ZNF804B: variants seen among roughly 807,000 people sequenced by gnomAD.
ZNF804B encodes zinc finger protein 804B.
ZNF804B carries 80 observed loss-of-function variants against 101.4 expected under a neutral mutation model. The ratio of observed to expected loss-of-function variants is 0.79; its 90% CI spans 0.66 to 0.95. The LOEUF (loss-of-function observed/expected upper bound fraction) is 0.95. Among genes scored for constraint, ZNF804B ranks in the 40% least tolerant of loss-of-function variants. The pLI is 0.00. For synonymous variants in ZNF804B, 622 were observed against 558.8 expected (o/e 1.11, Z -1.59); for missense variants, 1,673 against 1,561.9 (o/e 1.07, Z -1.20).
At chr7:89,019,878 T>C (rs905209072) in intron 1 of ZNF804B, among the ~76,000 whole-genome samples, 4 of 152,096 alleles carry the variant, frequency 2.6e-5, no homozygotes, top group African/African-American at 9.6e-5. Context: ...GTAGACAGTA[T>C]ATAATTGGGT....
At chr7:89,312,175 T>C (rs1247134226) in intron 2 of ZNF804B, among the ~76,000 whole-genome samples, 1 of 152,184 alleles carries the variant, frequency 6.6e-6, no homozygotes, top group Non-Finnish European at 1.5e-5. Flanking sequence ...AAGAATTTTT[T>C]CTTTCACGCA....
At chr7:88,972,180 AT>A (rs1216054352) in intron 1 of ZNF804B, among the ~76,000 whole-genome samples, 1 of 151,408 alleles carries the variant, frequency 6.6e-6, no homozygotes, top group Non-Finnish European at 1.5e-5. Flanking sequence ...TGAATTGTGT[AT>A]TTTTTCTCCA....
At chr7:88,902,110 C>A (rs74909286) in intron 1 of ZNF804B, among the ~76,000 whole-genome samples, 1 of 151,888 alleles carries the variant, frequency 6.6e-6, no homozygotes, top group African/African-American at 2.4e-5. Context: ...AAACCCGATA[C>A]ACTTTCTCTT....
chr7:88,772,729 A>C (rs1427821772), intron 1 of ZNF804B, among the ~76,000 whole-genome samples: 2 of 152,192 alleles, frequency 1.3e-5, no homozygotes, highest in Non-Finnish European at 2.9e-5. Context: ...AAAGAACTGC[A>C]AACTCAAAAT....
intron 1 of ZNF804B, among the ~76,000 whole-genome samples, chr7:88,925,179 G>A (rs1318385889): frequency 1.3e-5 from 2 of 152,034 alleles, no homozygotes; most frequent in African/African-American, 2.4e-5. Flanking sequence ...TTAGAGCTGA[G>A]CATAATTACC....
intron 1 of ZNF804B, among the ~76,000 whole-genome samples, chr7:88,764,702 A>G (rs1254067929): frequency 6.6e-6 from 1 of 152,136 alleles, no homozygotes; most frequent in African/African-American, 2.4e-5. Flanking sequence ...TGCCTATAAT[A>G]TCTGACTGTG....
At chr7:89,081,589 C>A (rs1330086757) in intron 1 of ZNF804B, among the ~76,000 whole-genome samples, 1 of 151,698 alleles carries the variant, frequency 6.6e-6, no homozygotes, top group Non-Finnish European at 1.5e-5. Context: ...AAAAGAAAAA[C>A]AGGTCATCAA....
chr7:89,182,306 A>C (rs1788309206), intron 1 of ZNF804B, among the ~76,000 whole-genome samples: 1 of 152,206 alleles, frequency 6.6e-6, no homozygotes, highest in Non-Finnish European at 1.5e-5. Flanking sequence ...TGACCTTTTC[A>C]GCAATCAAAA....
At chr7:88,853,184 C>G (rs1197545965) in intron 1 of ZNF804B, among the ~76,000 whole-genome samples, 1 of 152,104 alleles carries the variant, frequency 6.6e-6, no homozygotes, top group Non-Finnish European at 1.5e-5. Flanking sequence ...CCTGCTTTAG[C>G]TTCTTCTGGC....
At chr7:88,973,971 G>A (rs931776706) in intron 1 of ZNF804B, among the ~76,000 whole-genome samples, 1 of 151,266 alleles carries the variant, frequency 6.6e-6, no homozygotes, top group Non-Finnish European at 1.5e-5. Flanking sequence ...ACCATAGAAA[G>A]TACAAAGCCC....
At chr7:89,052,508 T>A (rs546222386) in intron 1 of ZNF804B, among the ~76,000 whole-genome samples, 117 of 152,234 alleles carry the variant, frequency 7.7e-4, no homozygotes, top group African/African-American at 2.7e-3. Flanking sequence ...AAGGCAAAAT[T>A]GCTACATTGA....
intron 2 of ZNF804B, among the ~76,000 whole-genome samples, chr7:89,325,752 G>T (rs38970): frequency 6.6e-6 from 1 of 151,448 alleles, no homozygotes; most frequent in Non-Finnish European, 1.5e-5. Context: ...TATTAAATAA[G>T]TATAATATGG....
intron 1 of ZNF804B, among the ~76,000 whole-genome samples, chr7:89,020,668 T>C (rs1347740763): frequency 6.6e-6 from 1 of 152,188 alleles, no homozygotes; most frequent in Non-Finnish European, 1.5e-5. Flanking sequence ...TTTTCACTTA[T>C]TTTCTTGTTT....
chr7:89,066,210 A>G (rs977917168), intron 1 of ZNF804B, among the ~76,000 whole-genome samples: 2 of 150,848 alleles, frequency 1.3e-5, no homozygotes, highest in Non-Finnish European at 2.9e-5. Flanking sequence ...CATATTGATC[A>G]CAGTCACAGC....
intron 1 of ZNF804B, among the ~76,000 whole-genome samples, chr7:89,152,485 T>C (rs1459594039): frequency 6.6e-6 from 1 of 152,052 alleles, no homozygotes; most frequent in Non-Finnish European, 1.5e-5. Flanking sequence ...TGTGTATGAA[T>C]GTGTCCCATT....
At chr7:88,988,886 G>A (rs1458872741) in intron 1 of ZNF804B, among the ~76,000 whole-genome samples, 1 of 152,110 alleles carries the variant, frequency 6.6e-6, no homozygotes, top group East Asian at 1.9e-4. Flanking sequence ...AACATGGCTA[G>A]CCCTCCCATT....
At chr7:89,311,959 C>T (rs904231902) in intron 2 of ZNF804B, among the ~76,000 whole-genome samples, 2 of 152,000 alleles carry the variant, frequency 1.3e-5, no homozygotes, top group East Asian at 3.9e-4. Context: ...GGATCTTGGC[C>T]ACAATAGCTA....
chr7:89,334,594 A>G lies in ZNF804B; in HGVS notation c.1612A>G (p.Thr538Ala), dbSNP rs774267760. The G allele has an allele frequency of 1.2e-6, 2 of 1,613,792 alleles. No homozygotes were observed. The highest frequency in any genetic ancestry group is 1.1e-5 in the South Asian group (1 of 91,070). The change falls in exon 4 of 4, where the codon ACG (threonine) becomes GCG (alanine). Residue 538 changes from threonine to alanine, a missense_variant. Physicochemically the swap from Thr to Ala is moderately conservative, Grantham distance 58. Transcript: ENST00000333190. ...QEDYQYPKPK[T>A]MIANPDWEKF... ...AGATTATCAATATCCGAAACCAAAG[A>G]CGATGATAGCTAATCCGGATTGGGA... is the stretch of plus-strand genomic sequence containing the variant.
At chr7:89,227,626 A>G (rs1789115467) in intron 2 of ZNF804B, among the ~76,000 whole-genome samples, 1 of 152,238 alleles carries the variant, frequency 6.6e-6, no homozygotes, top group Non-Finnish European at 1.5e-5. Flanking sequence ...TAGGGGTTTT[A>G]GTAAAGACCT....
Sources: gnomAD v4.1 joint callset for allele counts (sites outside exome capture counted in the v4.1 genomes callset) on GRCh38, gnomAD v4.1.1 for gene constraint, MANE v1.5 for transcripts, NCBI Gene and HGNC (gene_info 2026-07-23, HGNC 2026-07-21) for gene names.